The following ILRUN variants were observed in gnomAD, a reference collection of about 807,000 sequenced individuals.
ILRUN encodes the protein inflammation and lipid regulator with UBA-like and NBR1-like domains.
In ILRUN, 3 loss-of-function variants were observed where a neutral mutation model predicts 33.8. The ratio of observed to expected loss-of-function variants is 0.09; its 90% CI spans 0.04 to 0.23. The LOEUF (loss-of-function observed/expected upper bound fraction) is 0.23, where lower values mean the gene tolerates loss of function less well. Among genes scored for constraint, ILRUN ranks in the 10% least tolerant of loss-of-function variants. The pLI is 1.00. For missense variants in ILRUN, 210 were observed against 375.1 expected (o/e 0.56, Z 3.64); for synonymous variants, 124 against 138.9 (o/e 0.89, Z 0.75).
chr6:34,635,262 G>A (rs2127351451), intron 3 of ILRUN, among the ~76,000 whole-genome samples: 1 of 152,262 alleles, frequency 6.6e-6, no homozygotes, highest in South Asian at 2.1e-4. Context: ...GGGCACAGTG[G>A]CTCACGTCTG....
chr6:34,633,959 G>A (rs1000798454), intron 3 of ILRUN, among the ~76,000 whole-genome samples: 1 of 147,360 alleles, frequency 6.8e-6, no homozygotes, highest in Admixed American at 6.8e-5. Flanking sequence ...GACCACAATG[G>A]AATTAAACTA....
chr6:34,681,954 C>T (rs1048883374), intron 1 of ILRUN, among the ~76,000 whole-genome samples: 5 of 146,666 alleles, frequency 3.4e-5, no homozygotes, highest in African/African-American at 5.0e-5. Flanking sequence ...CAGGTTCAAG[C>T]GATTCACCTG....
At chr6:34,604,093 C>T (rs184846629) in intron 4 of ILRUN, among the ~76,000 whole-genome samples, 2 of 152,336 alleles carry the variant, frequency 1.3e-5, no homozygotes, top group East Asian at 3.9e-4. Flanking sequence ...CAGTCTATCT[C>T]TAATGGGAAG....
rs139197996 is a variant in ILRUN, at chr6:34,614,500, ATTT to A, written c.512-7599_512-7597del. Among the ~76,000 whole-genome samples, 270 of 133,156 alleles carry A rather than the reference ATTT, an allele frequency of 2.0e-3. 3 individuals are homozygous for A. The highest frequency in any genetic ancestry group is 6.9e-3 in the African/African-American group (235 of 33,880). The allele number at this position is 133,156 out of a possible 152,430, so 87.4% of individuals were successfully genotyped here. A position where few individuals can be genotyped will look rare whatever the true frequency, so the allele number is the denominator to read the frequency against. On this transcript the variant is annotated intron_variant, in intron 3 of 4. Coordinates refer to ENST00000374023, the MANE Select transcript of ILRUN (RefSeq NM_024294.4). The stretch of plus-strand genomic sequence containing the variant: ...TTTTATATATTATTATATATATTAT[ATTT>A]TATATATATATATATATTCATGGAT...
At chr6:34,661,015 A>G (rs1241324263) in intron 1 of ILRUN, among the ~76,000 whole-genome samples, 1 of 152,236 alleles carries the variant, frequency 6.6e-6, no homozygotes, top group Non-Finnish European at 1.5e-5. Context: ...CCCACTTCTT[A>G]GAGCCCTATG....
chr6:34,631,688 G>A lies in ILRUN; in HGVS notation c.511+14913C>T, dbSNP rs543870372. 5.9e-5 allele frequency among the ~76,000 whole-genome samples: 9 copies of A among 152,196 alleles called. No homozygotes were observed. In the South Asian group the frequency reaches 6.2e-4, roughly 11 times the overall value. The stretch of plus-strand genomic sequence containing the variant: ...TCTTGCACTATCCCAGCAAAAAGAA[G>A]TATCTACTCAGAGAAACAGAAAGAA... On this transcript the variant is annotated intron_variant, in intron 3 of 4. Transcript: ENST00000374023.
At chr6:34,614,451 T>C (rs1761833131) in intron 3 of ILRUN, among the ~76,000 whole-genome samples, 1 of 138,204 alleles carries the variant, frequency 7.2e-6, no homozygotes, top group Non-Finnish European at 1.5e-5. Flanking sequence ...AAAATATATA[T>C]ATATAAAATG....
At chr6:34,641,995 C>T (rs1762483325) in intron 3 of ILRUN, among the ~76,000 whole-genome samples, 1 of 152,090 alleles carries the variant, frequency 6.6e-6, no homozygotes, top group African/African-American at 2.4e-5. Flanking sequence ...GTTTGAGGCA[C>T]TAAGGACAAG....
At chr6:34,665,860 G>C (rs1762985578) in intron 1 of ILRUN, among the ~76,000 whole-genome samples, 1 of 151,080 alleles carries the variant, frequency 6.6e-6, no homozygotes, top group African/African-American at 2.4e-5. Context: ...ATACACTTTT[G>C]ATTAAAATAC....
chr6:34,691,519 G>T (rs1763649441), intron 1 of ILRUN, among the ~76,000 whole-genome samples: 1 of 152,196 alleles, frequency 6.6e-6, no homozygotes, highest in Non-Finnish European at 1.5e-5. Flanking sequence ...TAGAGGCCAG[G>T]TGCGGTGGCC....
intron 4 of ILRUN, among the ~76,000 whole-genome samples, chr6:34,590,997 C>T (rs1252545770): frequency 6.6e-6 from 1 of 152,170 alleles, no homozygotes; most frequent in Non-Finnish European, 1.5e-5. Context: ...AGATGTAAGG[C>T]TACTGCTAGC....
At position 34,657,122 on chromosome 6, in the gene ILRUN, T is replaced by C. The variant is rs530372435; in HGVS notation, c.159-2343A>G. 7.2e-5 allele frequency among the ~76,000 whole-genome samples: 11 copies of C among 152,368 alleles called. 1 individual carries two copies. The South Asian group carries it at 2.1e-3, about 29-fold the overall frequency. Reference sequence around the variant, plus strand: ...GGAGAATATGGGAGAAAAATAAGCCTAGTTTGCAATTTGCTCTTTTGAAAA... The same window carrying C: ...GGAGAATATGGGAGAAAAATAAGCCCAGTTTGCAATTTGCTCTTTTGAAAA... On this transcript the variant is annotated intron_variant, in intron 1 of 4. Transcript: ENST00000374023.
At chr6:34,630,030 T>C (rs1049019960) in intron 3 of ILRUN, among the ~76,000 whole-genome samples, 26 of 152,210 alleles carry the variant, frequency 1.7e-4, no homozygotes, top group African/African-American at 5.5e-4. Context: ...TTCAACAGTA[T>C]GCTAGTATCA....
At chr6:34,641,380 G>C (rs770807130) in intron 3 of ILRUN, among the ~76,000 whole-genome samples, 10 of 152,102 alleles carry the variant, frequency 6.6e-5, no homozygotes, top group Non-Finnish European at 1.3e-4. Flanking sequence ...TGATACTAGG[G>C]TATGTTTTAC....
chr6:34,616,870 T>C lies in ILRUN; in HGVS notation c.512-9966A>G, dbSNP rs1761902173. ...TTCTTTGCCTTCATCAAATCTTTAA[T>C]GGAACTTTTGTGAAGCTCAACAAGG... On this transcript the variant is annotated intron_variant, in intron 3 of 4. Coordinates refer to ENST00000374023, the MANE Select transcript of ILRUN (RefSeq NM_024294.4). 9.1e-5 allele frequency: 61 copies of C among 672,570 alleles called. 1 individual carries two copies. The highest frequency in any genetic ancestry group is 8.4e-4 in the South Asian group (60 of 71,654). 41.7% of individuals were successfully genotyped at this position (672,570 alleles called of 1,614,324 possible).
chr6:34,683,443 T>TATATAC (rs1763427367), intron 1 of ILRUN, among the ~76,000 whole-genome samples: 1 of 73,312 alleles, frequency 1.4e-5, no homozygotes, highest in Non-Finnish European at 2.5e-5. Flanking sequence ...TATATATACA[T>TATATAC]ATATATATAC....
chr6:34,621,529 T>C (rs56000395), intron 3 of ILRUN, among the ~76,000 whole-genome samples: 35 of 152,198 alleles, frequency 2.3e-4, no homozygotes, highest in African/African-American at 8.4e-4. Context: ...AAAATAATTT[T>C]GAAAAAGAAG....
At chr6:34,613,169 G>T (rs1389281994) in intron 3 of ILRUN, among the ~76,000 whole-genome samples, 1 of 152,010 alleles carries the variant, frequency 6.6e-6, no homozygotes, top group Non-Finnish European at 1.5e-5. Context: ...AGCCGAGATC[G>T]CATCACTGCA....
intron 4 of ILRUN, among the ~76,000 whole-genome samples, chr6:34,594,194 C>T (rs1365825396): frequency 1.3e-5 from 2 of 152,174 alleles, no homozygotes; most frequent in Non-Finnish European, 2.9e-5. Context: ...TCTTCTCTTA[C>T]ACTTGTACCA....
Sources: gnomAD v4.1 joint callset for allele counts (sites outside exome capture counted in the v4.1 genomes callset) on GRCh38, gnomAD v4.1.1 for gene constraint, MANE v1.5 for transcripts, NCBI Gene and HGNC (gene_info 2026-07-23, HGNC 2026-07-21) for gene names.